GAS7: variants seen among roughly 807,000 people sequenced by gnomAD.
GAS7 encodes the protein growth arrest-specific protein 7.
A neutral mutation model predicts 71.1 loss-of-function variants in GAS7; 28 were observed. The observed-to-expected ratio is 0.39, with a 90% CI of 0.29 to 0.54. GAS7 has a LOEUF of 0.54. GAS7 is among the 20% of genes least tolerant of loss of function. The pLI, the probability that GAS7 is intolerant of heterozygous loss-of-function variation, is 0.62. For missense variants in GAS7, 436 were observed against 627.8 expected, an observed-to-expected ratio of 0.69 and a Z score of 3.27; for synonymous variants, 258 against 245.8, an observed-to-expected ratio of 1.05 and a Z score of -0.46.
chr17:10,122,193 C>A (rs913965871), intron 1 of GAS7, among the ~76,000 whole-genome samples: 2 of 152,228 alleles, frequency 1.3e-5, no homozygotes, highest in African/African-American at 4.8e-5. Flanking sequence ...GTGGTACCCA[C>A]CCAGGAGATG....
rs2068017172 is a variant in GAS7 at position 9,926,763 on chromosome 17, T to A, written c.892A>T (p.Ser298Cys). The change falls in exon 10 of 14, where the codon AGC becomes TGC. Residue 298 changes from serine (S) to cysteine (C), a missense_variant. Coordinates refer to ENST00000432992, the MANE Select transcript of GAS7 (RefSeq NM_201433.2). This position sits in a 1 kb window ranked among gnomAD's most constrained non-coding sequence, Gnocchi z 5.0. ...TTCATCAGGGGCTTCTCCACCTCGC[T>A]GTGAAGCTGTTGGGAGAGTAGAGAC... ...VHLKFSAKLH[S>C]EVEKPLMNFR... is the part of the protein sequence containing the mutation. 1 of 1,614,014 alleles carries A rather than the reference T, an allele frequency of 6.2e-7. No individual in the cohort carries two copies. Among genetic ancestry groups the A allele is most frequent in the South Asian group, 1.1e-5 (1 of 91,086 alleles).
At chr17:10,062,457 C>A (rs1489581442) in intron 1 of GAS7, among the ~76,000 whole-genome samples, 1 of 152,028 alleles carries the variant, frequency 6.6e-6, no homozygotes, top group Non-Finnish European at 1.5e-5. Flanking sequence ...TGCACTCCAG[C>A]CCAGGCGACA....
intron 8 of GAS7, among the ~76,000 whole-genome samples, chr17:9,939,614 C>CT (rs548573216): frequency 0.016 from 2,354 of 144,238 alleles, 41 homozygotes; most frequent in African/African-American, 0.044. Context: ...GTGGAAGTGC[C>CT]TTTTTTTTTT....
chr17:10,158,309 G>A (rs1019428574), intron 1 of GAS7, among the ~76,000 whole-genome samples: 9 of 141,476 alleles, frequency 6.4e-5, no homozygotes, highest in Admixed American at 1.4e-4. Context: ...CACCGCACCC[G>A]GCCAATCCTG....
In GAS7 at chr17:10,026,232, C is replaced by A; in HGVS notation, c.184-6335G>T. On this transcript the variant is annotated intron_variant, in intron 1 of 13. Coordinates refer to ENST00000432992, the MANE Select transcript of GAS7 (RefSeq NM_201433.2). This position sits in a 1 kb window ranked among gnomAD's most constrained non-coding sequence, Gnocchi z 4.5. ...CACTCGCTTTAGCAGCCAGATCAGA[C>A]GGTTTTAAGGTCTCCCACTCTGCAT... 1 of 985,248 alleles carries A rather than the reference C, an allele frequency of 1.0e-6. No individual in the cohort carries two copies. Among genetic ancestry groups the A allele is most frequent in the Non-Finnish European group, 1.2e-6 (1 of 829,788 alleles). The allele number at this position is 985,248 out of a possible 1,614,324, so 61.0% of individuals were successfully genotyped here. A position where few individuals can be genotyped will look rare whatever the true frequency, so the allele number is the denominator to read the frequency against.
intron 1 of GAS7, among the ~76,000 whole-genome samples, chr17:10,123,436 A>G (rs867964835): frequency 5.3e-5 from 8 of 152,222 alleles, no homozygotes; most frequent in Middle Eastern, 6.8e-3. Context: ...ATTAAAGGTC[A>G]CCCAGAATGG....
intron 7 of GAS7, 49 bp downstream of exon 7, chr17:9,943,071 CG>C (rs776603237): frequency 1.4e-5 from 17 of 1,245,122 alleles, no homozygotes; most frequent in Non-Finnish European, 1.9e-5. Context: ...CACGGGGCCC[CG>C]GGGAACACTG....
intron 1 of GAS7, among the ~76,000 whole-genome samples, chr17:10,142,447 T>C (rs12940009): frequency 0.87 from 132,515 of 152,122 alleles, 57,819 homozygotes; most frequent in Middle Eastern, 0.9. Flanking sequence ...TGGCTCACTG[T>C]AACCTCTGCC....
intron 1 of GAS7, 104 bp from the exon 2 acceptor site, chr17:10,020,001 T>C (rs961177895): frequency 5.4e-5 from 61 of 1,137,824 alleles, no homozygotes; most frequent in South Asian, 2.6e-4. Flanking sequence ...TAGCGTGACA[T>C]TGGGAAGTCT....
At chr17:10,067,686 G>GTCTGCAAACA (rs2073296844) in intron 1 of GAS7, among the ~76,000 whole-genome samples, 1 of 152,130 alleles carries the variant, frequency 6.6e-6, no homozygotes, top group Non-Finnish European at 1.5e-5. Flanking sequence ...AGCTAGGAAT[G>GTCTGCAAACA]TCTGCAAACA....
intron 1 of GAS7, among the ~76,000 whole-genome samples, chr17:10,048,331 C>A (rs545907144): frequency 2.0e-5 from 3 of 152,292 alleles, no homozygotes; most frequent in African/African-American, 4.8e-5. Context: ...ACAACAACAA[C>A]AAAAAATCAT....
At chr17:10,047,693 C>T (rs111504651) in intron 1 of GAS7, among the ~76,000 whole-genome samples, 3 of 151,796 alleles carry the variant, frequency 2.0e-5, no homozygotes, top group Admixed American at 6.6e-5. Flanking sequence ...AAAAGCAGTT[C>T]GAATAAAAAG....
At chr17:9,921,767 G>A (rs2067818918) in intron 11 of GAS7, among the ~76,000 whole-genome samples, 2 of 151,982 alleles carry the variant, frequency 1.3e-5, no homozygotes, top group Admixed American at 1.3e-4. Flanking sequence ...AGACCATCCT[G>A]GCTAACACGG....
intron 1 of GAS7, among the ~76,000 whole-genome samples, chr17:10,048,984 GA>G (rs2073022351): frequency 6.6e-6 from 1 of 152,158 alleles, no homozygotes; most frequent in Non-Finnish European, 1.5e-5. Context: ...GTCCATCCCA[GA>G]ACCAGGATAC....
intron 1 of GAS7, among the ~76,000 whole-genome samples, chr17:10,047,396 G>A (rs1220727893): frequency 2.0e-5 from 3 of 152,214 alleles, no homozygotes; most frequent in Non-Finnish European, 2.9e-5. Context: ...CCTACAGGCA[G>A]GTAGCTGTGA....
chr17:9,970,364 T>G lies in GAS7; in HGVS notation c.386-602A>C, dbSNP rs2069909512. ...ACATAATCTGGCTTGGAGCTGGGGC[T>G]CATGTCTGTAATCCCAGAACTTTGT... is the stretch of plus-strand genomic sequence containing the variant. On this transcript the variant is annotated intron_variant, in intron 3 of 13. Coordinates refer to ENST00000432992, the MANE Select transcript of GAS7 (RefSeq NM_201433.2). Among the ~76,000 whole-genome samples, 3 of 152,202 alleles carry G rather than the reference T, an allele frequency of 2.0e-5. No homozygotes were observed. In the South Asian group the frequency reaches 6.2e-4, roughly 32 times the overall value.
chr17:10,072,732 G>A (rs559336951), intron 1 of GAS7, among the ~76,000 whole-genome samples: 10 of 152,228 alleles, frequency 6.6e-5, no homozygotes, highest in African/African-American at 2.2e-4. Flanking sequence ...CAGACCAGAC[G>A]GCTTGCCAGC....
At chr17:10,095,672 T>C (rs1307298198) in intron 1 of GAS7, among the ~76,000 whole-genome samples, 1 of 151,620 alleles carries the variant, frequency 6.6e-6, no homozygotes, top group Non-Finnish European at 1.5e-5. Context: ...ATACAAAAAT[T>C]AGCTGGGCAT....
At chr17:10,166,688 C>A (rs1182391794) in intron 1 of GAS7, among the ~76,000 whole-genome samples, 1 of 152,172 alleles carries the variant, frequency 6.6e-6, no homozygotes, top group East Asian at 1.9e-4. Flanking sequence ...CCTTTACTTA[C>A]TATGAACTAA....
Sources: allele counts gnomAD v4.1 joint callset (sites outside exome capture counted in the v4.1 genomes callset), GRCh38; gene constraint gnomAD v4.1.1; non-coding constraint Gnocchi (gnomAD v3.1); transcripts MANE v1.5; gene names NCBI Gene and HGNC (gene_info 2026-07-23, HGNC 2026-07-21).